Variants in SDK1 observed in about 807,000 individuals in gnomAD.
SDK1 encodes sidekick cell adhesion molecule 1.
Under a neutral mutation model 245.5 loss-of-function variants are expected in SDK1, and 157 were observed. The ratio of observed to expected loss-of-function variants is 0.64; its 90% confidence interval spans 0.56 to 0.73. The LOEUF (loss-of-function observed/expected upper bound fraction) is 0.73, where lower values mean the gene tolerates loss of function less well. Ranked by LOEUF, SDK1 falls within the 30% of genes least tolerant of loss-of-function variation. The pLI is 0.00. For missense variants in SDK1, 3,583 were observed against 3,002.3 expected (o/e 1.19, Z -4.52); for synonymous variants, 1,647 against 1,278.5 (o/e 1.29, Z -6.15).
intron 19 of SDK1, among the ~76,000 whole-genome samples, chr7:4,064,947 A>T (rs1398061374): frequency 6.6e-6 from 1 of 152,146 alleles, no homozygotes; most frequent in Admixed American, 6.6e-5. Context: ...AGGTTAGTTG[A>T]TGGGCATAAA....
rs1200209563 is a variant in SDK1 at position 3,427,827 on chromosome 7, TTGTCTCTTAGATGTCGTTAG to T, written c.298+126019_298+126038del. 8.9e-3 allele frequency among the ~76,000 whole-genome samples: 1,324 copies of T among 149,482 alleles called. 15 individuals are homozygous for T. The highest frequency in any genetic ancestry group is 0.019 in the East Asian group (98 of 5,124). ...ACCAAGCTCCTGTGGCTGCACATCA[TTGTCTCTTAGATGTCGTTAG>T]TGTCTCTTAGATGTCGTTAGTGTCT... On this transcript the variant is annotated intron_variant, in intron 1 of 44. Transcript: ENST00000404826.
chr7:3,711,106 A>G (rs551691401), intron 4 of SDK1, among the ~76,000 whole-genome samples: 6 of 152,232 alleles, frequency 3.9e-5, no homozygotes, highest in Non-Finnish European at 8.8e-5. Flanking sequence ...TTTCGTATCC[A>G]AAAGTTTGAA....
chr7:4,146,926 C>T lies in SDK1; in HGVS notation c.4423+1010C>T, dbSNP rs750558814. Among the ~76,000 whole-genome samples, 9 of 152,330 alleles carry T rather than the reference C, an allele frequency of 5.9e-5. No individual in the cohort carries two copies. The East Asian group carries it at 1.6e-3, about 26-fold the overall frequency. On this transcript the variant is annotated intron_variant, in intron 29 of 44. Transcript: ENST00000404826. ...CTGCAGAGCTGAGATTTGGACTCCC[C>T]TCTGACACCACGAGGCCGACTCTTC...
At position 3,743,033 on chromosome 7, in the gene SDK1, T is replaced by A. The variant is rs562008351; in HGVS notation, c.714-78417T>A. Among the ~76,000 whole-genome samples the A allele has an allele frequency of 6.6e-5, 10 of 152,316 alleles. 1 individual carries two copies. The South Asian group carries it at 2.1e-3, about 32-fold the overall frequency. ...ACATGGTCCTACTTATTGATAGGCATGAATTTGATTGTACGGAACTTTCCT... is the reference window on the plus strand; with the variant it reads ...ACATGGTCCTACTTATTGATAGGCAAGAATTTGATTGTACGGAACTTTCCT... On this transcript the variant is annotated intron_variant, in intron 4 of 44. Coordinates refer to ENST00000404826, the MANE Select transcript of SDK1 (RefSeq NM_152744.4).
At chr7:3,709,943 G>T (rs116665763) in intron 4 of SDK1, among the ~76,000 whole-genome samples, 1 of 152,148 alleles carries the variant, frequency 6.6e-6, no homozygotes, top group African/African-American at 2.4e-5. Context: ...CGTGCCAGGT[G>T]CCCCGAGACT....
chr7:4,020,978 TGTCTACTA>T (rs1436632483), intron 17 of SDK1, among the ~76,000 whole-genome samples: 1 of 152,004 alleles, frequency 6.6e-6, no homozygotes, highest in Non-Finnish European at 1.5e-5. Context: ...TGATGAAGAG[TGTCTACTA>T]GGGTATTTGA....
chr7:3,597,135 G>A (rs1344200366), intron 1 of SDK1, among the ~76,000 whole-genome samples: 1 of 152,018 alleles, frequency 6.6e-6, no homozygotes, highest in East Asian at 1.9e-4. Context: ...AGCCGGATGT[G>A]GTGGCGGGTG....
Position 3,974,495 on chromosome 7 carries a change from G to C in SDK1, c.1944G>C (p.Glu648Asp). Residue 648 changes from glutamate (E) to aspartate (D), a missense_variant, in exon 13 of 45, where the codon GAG (glutamate) becomes GAC (aspartate). Coordinates refer to ENST00000404826, the MANE Select transcript of SDK1 (RefSeq NM_152744.4). ...GCGACATCGGTGACTACAGCTGCGAGATTGTTTCTGAAGGAGGGAATGACT... is the reference window on the plus strand; with the variant it reads ...GCGACATCGGTGACTACAGCTGCGACATTGTTTCTGAAGGAGGGAATGACT... ...WSGDIGDYSC[E>D]IVSEGGNDSR... 1 of 1,614,178 alleles carries C rather than the reference G, an allele frequency of 6.2e-7. No homozygotes were observed. Among genetic ancestry groups the C allele is most frequent in the Admixed American group, 1.7e-5 (1 of 60,024 alleles).
intron 31 of SDK1, among the ~76,000 whole-genome samples, chr7:4,160,009 G>A (rs563480341): frequency 6.6e-6 from 1 of 152,312 alleles, no homozygotes; most frequent in East Asian, 1.9e-4. Context: ...AGGAGGATGT[G>A]TGCAGGTTAC....
At position 3,577,985 on chromosome 7, in the gene SDK1, C is replaced by T. The variant is rs142419204; in HGVS notation, c.299-41095C>T. ...AGCTGAGAGACTAGTGAAATTTATT[C>T]TTTCCACTCAACTTACAGTGAGAGA... is the stretch of plus-strand genomic sequence containing the variant. On this transcript the variant is annotated intron_variant, in intron 1 of 44. Transcript: ENST00000404826. 4.8e-3 allele frequency among the ~76,000 whole-genome samples: 726 copies of T among 152,120 alleles called. 11 individuals carry two copies. Among genetic ancestry groups the T allele is most frequent in the African/African-American group, 0.016 (674 of 41,556 alleles).
chr7:4,155,073 C>T (rs377313656), intron 30 of SDK1, among the ~76,000 whole-genome samples: 3 of 151,750 alleles, frequency 2.0e-5, no homozygotes, highest in East Asian at 3.9e-4. Context: ...AGGATGCTAC[C>T]GTCTCTAGTA....
intron 4 of SDK1, among the ~76,000 whole-genome samples, chr7:3,770,059 G>A (rs977997849): frequency 2.0e-5 from 3 of 151,878 alleles, no homozygotes; most frequent in African/African-American, 7.3e-5. Flanking sequence ...TGGTTATGAG[G>A]AGTGAGGGAG....
chr7:4,015,070 T>C (rs1786289230), intron 16 of SDK1, among the ~76,000 whole-genome samples: 1 of 152,158 alleles, frequency 6.6e-6, no homozygotes, highest in African/African-American at 2.4e-5. Flanking sequence ...TGTTTAAAAA[T>C]GTATATATAT....
At chr7:4,138,076 G>T (rs1219312924) in intron 28 of SDK1, among the ~76,000 whole-genome samples, 1 of 152,174 alleles carries the variant, frequency 6.6e-6, no homozygotes, top group East Asian at 1.9e-4. Context: ...TAATAGGAAG[G>T]TACAAATAGA....
At chr7:3,570,389 C>T (rs1780071846) in intron 1 of SDK1, among the ~76,000 whole-genome samples, 1 of 152,112 alleles carries the variant, frequency 6.6e-6, no homozygotes, top group Non-Finnish European at 1.5e-5. Flanking sequence ...AGGAGTTGCT[C>T]AGGCAGTAAT....
chr7:3,968,834 C>T (rs1326408743), intron 10 of SDK1, among the ~76,000 whole-genome samples: 1 of 152,198 alleles, frequency 6.6e-6, no homozygotes, highest in South Asian at 2.1e-4. Context: ...AGTCCACTCT[C>T]ACACTGATAT....
intron 1 of SDK1, among the ~76,000 whole-genome samples, chr7:3,525,747 G>C (rs190237514): frequency 1.3e-5 from 2 of 151,960 alleles, no homozygotes; most frequent in Admixed American, 1.3e-4. Flanking sequence ...ATTATTTCCT[G>C]TCTCCATTGT....
chr7:4,258,504 G>A (rs1353421188), intron 44 of SDK1, among the ~76,000 whole-genome samples: 2 of 152,124 alleles, frequency 1.3e-5, no homozygotes, highest in African/African-American at 4.8e-5. Context: ...TATAAATAGC[G>A]TTTCTCTATC....
chr7:3,809,194 G>A (rs936254903), intron 4 of SDK1, among the ~76,000 whole-genome samples: 1 of 152,090 alleles, frequency 6.6e-6, no homozygotes, highest in African/African-American at 2.4e-5. Context: ...GCGAGAGCAG[G>A]AGCAAGAGGG....
Sources: allele counts gnomAD v4.1 joint callset (sites outside exome capture counted in the v4.1 genomes callset), GRCh38; gene constraint gnomAD v4.1.1; transcripts MANE v1.5; gene names NCBI Gene and HGNC (gene_info 2026-07-23, HGNC 2026-07-21).